The following ABI3BP variants were observed in gnomAD, a reference collection of about 807,000 sequenced individuals.
The protein encoded by ABI3BP is ABI family member 3 binding protein.
A neutral mutation model predicts 268.6 loss-of-function variants in ABI3BP; 216 were observed. That is an observed-to-expected ratio of 0.80 (90% confidence interval 0.72 to 0.90). The LOEUF (loss-of-function observed/expected upper bound fraction) is 0.90, where lower values mean the gene tolerates loss of function less well. Among genes scored for constraint, ABI3BP ranks in the 40% least tolerant of loss-of-function variants. ABI3BP has a pLI of 0.00. For synonymous variants in ABI3BP, 730 were observed against 730.0 expected, an observed-to-expected ratio of 1.00 and a Z score of 0.00; for missense variants, 2,090 against 2,182.4, an observed-to-expected ratio of 0.96 and a Z score of 0.84.
chr3:100,829,528 G>C (rs2098448050), intron 33 of ABI3BP, 53 bp downstream of exon 33: 77 of 1,444,014 alleles, frequency 5.3e-5, no homozygotes, highest in Non-Finnish European at 7.1e-5. Context: ...ATTCTCTTTG[G>C]GTCCCACTGG....
intron 63 of ABI3BP, among the ~76,000 whole-genome samples, chr3:100,757,290 A>G (rs2095670517): frequency 6.7e-6 from 1 of 149,174 alleles, no homozygotes. Context: ...CCAGATTGAA[A>G]AGACCTACTC....
intron 1 of ABI3BP, among the ~76,000 whole-genome samples, chr3:100,975,473 C>G (rs1160628137): frequency 6.6e-6 from 1 of 152,056 alleles, no homozygotes; most frequent in African/African-American, 2.4e-5. Flanking sequence ...ATGGATTATA[C>G]AATAGTTGGT....
chr3:100,909,519 G>A (rs1177635568), intron 2 of ABI3BP, among the ~76,000 whole-genome samples: 1 of 152,136 alleles, frequency 6.6e-6, no homozygotes, highest in African/African-American at 2.4e-5. Flanking sequence ...CTATCCATCT[G>A]ACAAAGGGTT....
chr3:100,907,308 A>G (rs1299956163), intron 2 of ABI3BP, among the ~76,000 whole-genome samples: 1 of 152,228 alleles, frequency 6.6e-6, no homozygotes, highest in Non-Finnish European at 1.5e-5. Context: ...AGCCTGGGCA[A>G]CACAGTGAAA....
At chr3:100,893,671 ACT>A (rs2045839164) in intron 4 of ABI3BP, among the ~76,000 whole-genome samples, 2 of 152,114 alleles carry the variant, frequency 1.3e-5, no homozygotes, top group African/African-American at 2.4e-5. Flanking sequence ...GGGAGCCATA[ACT>A]CTGAAAAGTT....
Position 100,828,409 on chromosome 3 carries a change from A to G in ABI3BP, c.2586T>C (p.Ala862=). The G allele has an allele frequency of 1.3e-6, 2 of 1,535,386 alleles. No homozygotes were observed. Among genetic ancestry groups the G allele is most frequent in the Non-Finnish European group, 1.7e-6 (2 of 1,146,382 alleles). The change falls in exon 34 of 68, where the codon GCT becomes GCC. Residue 862 remains alanine (A), a synonymous_variant. Coordinates refer to ENST00000471714, the MANE Select transcript of ABI3BP (RefSeq NM_001375547.2). Reference sequence around the variant, plus strand: ...TGGCATTACCGAATGTTGTCCCTGGAGCCTCTTTTATAGGAGAAACTGGTT... The same window carrying G: ...TGGCATTACCGAATGTTGTCCCTGGGGCCTCTTTTATAGGAGAAACTGGTT... ...IFEPVSPIKE[A]PGTTFVPVTD... is the part of the protein sequence containing the mutation.
intron 1 of ABI3BP, among the ~76,000 whole-genome samples, chr3:100,956,114 G>C (rs556687485): frequency 6.6e-6 from 1 of 151,488 alleles, no homozygotes; most frequent in East Asian, 1.9e-4. Flanking sequence ...GCTTGAACCC[G>C]GGAAGTGGAG....
intron 1 of ABI3BP, among the ~76,000 whole-genome samples, chr3:100,988,016 G>A (rs1217285984): frequency 5.3e-5 from 8 of 151,926 alleles, no homozygotes; most frequent in East Asian, 3.8e-4. Flanking sequence ...TTTTTCTAAC[G>A]TACTGTTTAA....
At chr3:100,914,957 A>G (rs1232600966) in intron 2 of ABI3BP, among the ~76,000 whole-genome samples, 3 of 152,188 alleles carry the variant, frequency 2.0e-5, no homozygotes, top group Non-Finnish European at 4.4e-5. Context: ...CATGCATTTC[A>G]CCCACGGCTG....
At chr3:100,801,900 G>T (rs1285203642) in intron 51 of ABI3BP, among the ~76,000 whole-genome samples, 1 of 152,120 alleles carries the variant, frequency 6.6e-6, no homozygotes, top group African/African-American at 2.4e-5. Context: ...GTTAACTATT[G>T]TTATCTTGGC....
chr3:100,825,357 A>G (rs2098357263), intron 35 of ABI3BP, among the ~76,000 whole-genome samples: 1 of 145,228 alleles, frequency 6.9e-6, no homozygotes, highest in Admixed American at 6.9e-5. Context: ...GCACTAATAA[A>G]GAAAGAAACA....
At chr3:100,798,428 T>G (rs2097421059) in intron 51 of ABI3BP, among the ~76,000 whole-genome samples, 3 of 152,146 alleles carry the variant, frequency 2.0e-5, no homozygotes, top group African/African-American at 7.2e-5. Flanking sequence ...GTGGCATTCC[T>G]CTGTATGTTA....
intron 1 of ABI3BP, among the ~76,000 whole-genome samples, chr3:100,935,955 T>C (rs773458041): frequency 2.6e-5 from 4 of 152,190 alleles, no homozygotes; most frequent in Non-Finnish European, 5.9e-5. Context: ...TTTTCGTACT[T>C]GAGTACCCTT....
intron 1 of ABI3BP, among the ~76,000 whole-genome samples, chr3:100,950,673 A>G (rs1021577411): frequency 4.2e-4 from 64 of 152,168 alleles, no homozygotes; most frequent in Non-Finnish European, 2.9e-5. Context: ...CTTGCTGGTC[A>G]AACACTCTTT....
intron 58 of ABI3BP, 134 bp downstream of exon 58, chr3:100,779,998 A>G (rs750641227): frequency 2.1e-5 from 15 of 701,180 alleles, no homozygotes; most frequent in South Asian, 8.8e-5. Context: ...AGCAATACCC[A>G]TGCACTGTGT....
Position 100,921,277 on chromosome 3 carries a change from T to G in ABI3BP, c.259+5025A>C, listed in dbSNP as rs144920931. The stretch of plus-strand genomic sequence containing the variant: ...TAAGCCTTTTCTGCAGTAAGGATAC[T>G]AAAGCAATTCTTCAACGTGCACCAC... On this transcript the variant is annotated intron_variant, in intron 2 of 67. Coordinates refer to ENST00000471714, the MANE Select transcript of ABI3BP (RefSeq NM_001375547.2). Among the ~76,000 whole-genome samples, 385 of 152,336 alleles carry G rather than the reference T, an allele frequency of 2.5e-3. 1 individual carries two copies. The highest frequency in any genetic ancestry group is 8.8e-3 in the African/African-American group (365 of 41,576).
chr3:100,932,468 A>G (rs1009694472), intron 1 of ABI3BP, among the ~76,000 whole-genome samples: 1 of 152,146 alleles, frequency 6.6e-6, no homozygotes, highest in Admixed American at 6.6e-5. Context: ...AATATCCAGA[A>G]TCTATAAGAA....
chr3:100,975,436 T>C (rs2085675061), intron 1 of ABI3BP, among the ~76,000 whole-genome samples: 1 of 152,008 alleles, frequency 6.6e-6, no homozygotes. Flanking sequence ...ATGAAGGAGC[T>C]CCCCATTTCC....
chr3:100,863,322 C>CTT (rs566804509), intron 12 of ABI3BP: 4,888 of 149,754 alleles, frequency 0.033, 249 homozygotes, highest in East Asian at 0.15. Flanking sequence ...CCCCCAACCT[C>CTT]TTTTTTTTTT....
Sources: gnomAD v4.1 joint callset for allele counts (sites outside exome capture counted in the v4.1 genomes callset) on GRCh38, gnomAD v4.1.1 for gene constraint, MANE v1.5 for transcripts, NCBI Gene and HGNC (gene_info 2026-07-23, HGNC 2026-07-21) for gene names.